Variants in TMEM98 observed in about 807,000 individuals in gnomAD.
TMEM98 encodes transmembrane protein 98.
In TMEM98, 18 loss-of-function variants were observed where a neutral mutation model predicts 25.0. The observed-to-expected ratio is 0.72, with a 90% CI of 0.50 to 1.07. The LOEUF is 1.07. Among genes scored for constraint, TMEM98 ranks in the 50% least tolerant of loss-of-function variants. TMEM98 has a pLI of 0.00. For missense variants in TMEM98, 241 were observed against 289.0 expected, an observed-to-expected ratio of 0.83 and a Z score of 1.20; for synonymous variants, 103 against 112.4, an observed-to-expected ratio of 0.92 and a Z score of 0.53.
At chr17:32,936,204 A>G in intron 5 of TMEM98, 128 bp from the exon 6 acceptor site, 2 of 693,696 alleles carry the variant, frequency 2.9e-6, no homozygotes, top group Non-Finnish European at 4.9e-6. Context: ...TGTACTTTTC[A>G]CATCTGGCCA....
chr17:32,933,268 G>C lies in TMEM98; in HGVS notation c.226G>C (p.Ala76Pro), dbSNP rs144080462. 7 of 1,614,058 alleles carry C rather than the reference G, an allele frequency of 4.3e-6. No individual in the cohort carries two copies. Among genetic ancestry groups the C allele is most frequent in the Non-Finnish European group, 5.9e-6 (7 of 1,180,030 alleles). ...CGTTATCACCAACCCCCACATTGAG[G>C]CCATTCTGGAGAATGAAGACTGGAT... ...DVVITNPHIE[A>P]ILENEDWIED... The change falls in exon 4 of 8, where the codon GCC (alanine) becomes CCC (proline). Residue 76 changes from alanine (A) to proline (P), a missense_variant. Physicochemically the swap from Ala to Pro is conservative, Grantham distance 27. Coordinates refer to ENST00000579849, the MANE Select transcript of TMEM98 (RefSeq NM_015544.3).
At chr17:32,936,256 G>C (rs1473057576) in intron 5 of TMEM98, 76 bp from the exon 6 acceptor site, 14 of 1,201,152 alleles carry the variant, frequency 1.2e-5, no homozygotes, top group Non-Finnish European at 1.2e-6. Flanking sequence ...CGGCAGGGCT[G>C]ATTTGTCTCG....
At chr17:32,932,081 CTT>C (rs113607330) in intron 3 of TMEM98, among the ~76,000 whole-genome samples, 15,428 of 148,826 alleles carry the variant, frequency 0.1, 885 homozygotes, top group Middle Eastern at 0.2. Context: ...CTGTTTCTCT[CTT>C]TGCACAGCAG....
rs995635113 is a variant in TMEM98, at chr17:32,943,036, A to G, written c.*2043A>G. Reference sequence around the variant, plus strand: ...CCTGGTGTGGGTCTGCAGGGTGGAGAGCTTTCCCAGCACCCCTGAAGCAAT... The same window carrying G: ...CCTGGTGTGGGTCTGCAGGGTGGAGGGCTTTCCCAGCACCCCTGAAGCAAT... On this transcript the variant is annotated 3_prime_UTR_variant, in exon 8 of 8. Coordinates refer to ENST00000579849, the MANE Select transcript of TMEM98 (RefSeq NM_015544.3). 4 of 152,056 alleles carry G rather than the reference A, an allele frequency of 2.6e-5. No individual in the cohort carries two copies. The highest frequency in any genetic ancestry group is 7.3e-5 in the African/African-American group (3 of 41,370). The allele number at this position is 152,056 out of a possible 1,614,324, so 9.4% of individuals were successfully genotyped here. A position where few individuals can be genotyped will look rare whatever the true frequency, so the allele number is the denominator to read the frequency against.
Sources: allele counts gnomAD v4.1 joint callset (sites outside exome capture counted in the v4.1 genomes callset), GRCh38; gene constraint gnomAD v4.1.1; transcripts MANE v1.5; gene names NCBI Gene and HGNC (gene_info 2026-07-23, HGNC 2026-07-21).